BET1: variants seen among roughly 807,000 people sequenced by gnomAD.
BET1 encodes BET1 homolog.
BET1 carries 9 observed loss-of-function variants against 13.9 expected under a neutral mutation model. The observed-to-expected ratio is 0.65, with a 90% confidence interval of 0.39 to 1.13. The LOEUF (loss-of-function observed/expected upper bound fraction) is 1.13, where lower values mean the gene tolerates loss of function less well. BET1 is among the 50% of genes most tolerant of loss of function. The pLI is 0.01. For missense variants in BET1, 127 were observed against 133.6 expected (o/e 0.95, Z 0.24); for synonymous variants, 39 against 47.3 (o/e 0.82, Z 0.72).
At chr7:93,976,187 C>A (rs959558892) in intron 4 of BET1, 11 of 950,398 alleles carry the variant, frequency 1.2e-5, no homozygotes, top group Non-Finnish European at 1.3e-5. Context: ...AATGTACTCT[C>A]AGAAGAGTTA....
chr7:93,997,060 C>A (rs1456572687), intron 2 of BET1, among the ~76,000 whole-genome samples: 1 of 151,862 alleles, frequency 6.6e-6, no homozygotes, highest in Non-Finnish European at 1.5e-5. Context: ...AAGAAAAGAG[C>A]CATAGCTTAC....
intron 4 of BET1, among the ~76,000 whole-genome samples, chr7:93,982,758 T>C (rs1302284678): frequency 1.3e-5 from 2 of 152,080 alleles, no homozygotes; most frequent in Non-Finnish European, 2.9e-5. Context: ...ACACAAGAAA[T>C]AATAATAATT....
At chr7:93,975,937 C>CAA in exon 5 of BET1, 3 of 1,225,968 alleles carry the variant, frequency 2.4e-6, no homozygotes, top group Non-Finnish European at 2.1e-6. Context: ...GCTTCAGAGT[C>CAA]ATTATTTTGA....
At chr7:93,989,895 A>C (rs1795598129), downstream of BET1, among the ~76,000 whole-genome samples, 1 of 152,196 alleles carries the variant, frequency 6.6e-6, no homozygotes, top group African/African-American at 2.4e-5. Context: ...GAAGCTGACT[A>C]GCTCATACCA....
At chr7:93,992,838 A>G, downstream of BET1, 1 of 948,288 alleles carries the variant, frequency 1.1e-6, no homozygotes, top group Non-Finnish European at 1.3e-6. Flanking sequence ...AAGTTAAGGA[A>G]TAGAGATATG....
At chr7:93,989,076 C>G (rs962441472), downstream of BET1, among the ~76,000 whole-genome samples, 1 of 150,964 alleles carries the variant, frequency 6.6e-6, no homozygotes, top group Non-Finnish European at 1.5e-5. Context: ...TGCAGTGGTG[C>G]GATCTCGGCT....
At chr7:93,977,697 T>C (rs777661314) in intron 4 of BET1, among the ~76,000 whole-genome samples, 17 of 152,062 alleles carry the variant, frequency 1.1e-4, no homozygotes, top group Non-Finnish European at 2.1e-4. Context: ...CCTTCCTAAA[T>C]TGGAACTCCC....
At chr7:93,986,106 A>T (rs1371915224) in intron 4 of BET1, among the ~76,000 whole-genome samples, 1 of 152,190 alleles carries the variant, frequency 6.6e-6, no homozygotes, top group African/African-American at 2.4e-5. Context: ...AGAAAAACAA[A>T]TCTGTTCGGT....
chr7:93,996,381 T>C, intron 2 of BET1, 60 bp from the exon 3 acceptor site: 2 of 1,227,990 alleles, frequency 1.6e-6, no homozygotes, highest in South Asian at 1.5e-5. Flanking sequence ...TGTTATAAAG[T>C]AAAAATAATG....
chr7:94,000,064 G>A (rs1372729437), intron 1 of BET1, among the ~76,000 whole-genome samples: 2 of 151,226 alleles, frequency 1.3e-5, no homozygotes, highest in Non-Finnish European at 2.9e-5. Context: ...TATGTTGGGC[G>A]ATTAACAGGA....
chr7:94,000,090 G>C (rs1351331229), intron 1 of BET1, among the ~76,000 whole-genome samples: 1 of 151,090 alleles, frequency 6.6e-6, no homozygotes, highest in African/African-American at 2.4e-5. Flanking sequence ...CATAGTTCAG[G>C]GTGTTAGTTA....
At chr7:93,975,837 T>TGC in intron 5 of BET1, 1 of 789,142 alleles carries the variant, frequency 1.3e-6, no homozygotes, top group Non-Finnish European at 1.6e-6. Context: ...CAATCACACC[T>TGC]GCCAGATAAC....
intron 6 of BET1, among the ~76,000 whole-genome samples, chr7:93,972,168 T>A (rs962355320): frequency 6.6e-6 from 1 of 151,792 alleles, no homozygotes; most frequent in Non-Finnish European, 1.5e-5. Flanking sequence ...AGCTCTAGAG[T>A]GTGAGCTGCC....
intron 2 of BET1, among the ~76,000 whole-genome samples, chr7:93,996,552 T>A (rs1328012792): frequency 6.6e-6 from 1 of 151,924 alleles, no homozygotes; most frequent in Non-Finnish European, 1.5e-5. Context: ...TTTAATTTCA[T>A]CTTAATATTC....
chr7:93,992,245 T>C (rs910455711), downstream of BET1: 4 of 985,244 alleles, frequency 4.1e-6, no homozygotes, highest in African/African-American at 5.2e-5. Context: ...GAATCACTTT[T>C]ATACCACCCA....
chr7:93,979,456 C>A (rs1795391714), intron 4 of BET1, among the ~76,000 whole-genome samples: 1 of 152,128 alleles, frequency 6.6e-6, no homozygotes, highest in Non-Finnish European at 1.5e-5. Flanking sequence ...TCCTAATTTG[C>A]ATAACCTTGT....
intron 4 of BET1, among the ~76,000 whole-genome samples, chr7:93,978,278 A>G (rs1054343572): frequency 6.6e-6 from 1 of 152,112 alleles, no homozygotes; most frequent in Non-Finnish European, 1.5e-5. Flanking sequence ...TATGTGGCCC[A>G]GTCTGGTCTG....
chr7:93,964,257 C>T (rs1795140070), exon 7 of BET1: 1 of 151,922 alleles, frequency 6.6e-6, no homozygotes, highest in South Asian at 2.1e-4. Flanking sequence ...AGTTTTTCAA[C>T]CCATACCTTC....
At chr7:94,001,791 A>G (rs1562809902) in intron 1 of BET1, among the ~76,000 whole-genome samples, 1 of 152,232 alleles carries the variant, frequency 6.6e-6, no homozygotes, top group Non-Finnish European at 1.5e-5. Context: ...CATTTACCCA[A>G]TAAGTAATTA....
Sources: allele counts gnomAD v4.1 joint callset (sites outside exome capture counted in the v4.1 genomes callset), GRCh38; gene constraint gnomAD v4.1.1; transcripts MANE v1.5; gene names NCBI Gene and HGNC (gene_info 2026-07-23, HGNC 2026-07-21).